The following BAZ1A variants were observed in gnomAD, a reference collection of about 807,000 sequenced individuals.
The protein encoded by BAZ1A is bromodomain adjacent to zinc finger domain protein 1A.
Under a neutral mutation model 185.2 loss-of-function variants are expected in BAZ1A, and 50 were observed. The observed-to-expected ratio is 0.27, with a 90% CI of 0.22 to 0.34. BAZ1A has a LOEUF of 0.34. Ranked by LOEUF, BAZ1A falls within the 10% of genes least tolerant of loss-of-function variation. BAZ1A has a pLI of 1.00. For synonymous variants in BAZ1A, 571 were observed against 615.6 expected, an observed-to-expected ratio of 0.93 and a Z score of 1.07; for missense variants, 1,356 against 1,839.9, an observed-to-expected ratio of 0.74 and a Z score of 4.81.
At chr14:34,861,657 A>G (rs752702512) in intron 3 of BAZ1A, among the ~76,000 whole-genome samples, 4 of 152,348 alleles carry the variant, frequency 2.6e-5, no homozygotes, top group Non-Finnish European at 5.9e-5. Context: ...CATATAATAG[A>G]ACTTTATTAT....
chr14:34,795,896 G>C (rs1881163331), intron 9 of BAZ1A, 131 bp from the exon 10 acceptor site: 2 of 626,670 alleles, frequency 3.2e-6, no homozygotes, highest in East Asian at 2.9e-5. Flanking sequence ...GTAACTCTGA[G>C]GTTAGGACTT....
intron 17 of BAZ1A, among the ~76,000 whole-genome samples, chr14:34,777,271 T>C (rs182431397): frequency 6.6e-6 from 1 of 152,384 alleles, no homozygotes; most frequent in Non-Finnish European, 1.5e-5. Flanking sequence ...AATGTAACTA[T>C]TTATGGACAG....
At chr14:34,826,478 G>T (rs2042166789) in intron 3 of BAZ1A, among the ~76,000 whole-genome samples, 1 of 152,104 alleles carries the variant, frequency 6.6e-6, no homozygotes, top group African/African-American at 2.4e-5. Flanking sequence ...GATCTTTCTT[G>T]TGTTTTAATG....
At chr14:34,759,743 T>C (rs1886444062) in intron 24 of BAZ1A, among the ~76,000 whole-genome samples, 2 of 152,092 alleles carry the variant, frequency 1.3e-5, no homozygotes, top group Admixed American at 1.3e-4. Context: ...GGCATGATCT[T>C]GGCTCACTGC....
intron 16 of BAZ1A, 57 bp downstream of exon 16, chr14:34,783,062 C>T (rs1159977266): frequency 1.5e-6 from 2 of 1,298,932 alleles, no homozygotes; most frequent in Non-Finnish European, 2.2e-6. Flanking sequence ...TTTAAGGTGT[C>T]TGGTTTTTAT....
At chr14:34,783,312 C>T in intron 15 of BAZ1A, 80 bp from the exon 16 acceptor site, 2 of 806,624 alleles carry the variant, frequency 2.5e-6, no homozygotes, top group Non-Finnish European at 2.0e-6. Flanking sequence ...TTAATCAAAT[C>T]ATGGAAAGTA....
intron 12 of BAZ1A, among the ~76,000 whole-genome samples, chr14:34,790,162 T>G (rs1446914944): frequency 6.7e-6 from 1 of 149,606 alleles, no homozygotes; most frequent in Non-Finnish European, 1.5e-5. Context: ...TTTAAATAAA[T>G]ATTTTCTTTT....
chr14:34,874,677 G>A lies in BAZ1A; in HGVS notation c.-58-15C>T. On this transcript the variant is annotated splice_polypyrimidine_tract_variant and intron_variant, in intron 1 of 26. Transcript: ENST00000360310. This position sits in a 1 kb window ranked among gnomAD's most constrained non-coding sequence, Gnocchi z 4.7. ...GCCCCGCTTCCCTATCAAAATTGGA[G>A]GGAAAGGAAAGCCGGTAAGGTGGGG... The A allele has an allele frequency of 3.0e-6, 4 of 1,351,608 alleles. No homozygotes were observed. The highest frequency in any genetic ancestry group is 1.3e-5 in the South Asian group (1 of 77,866). 83.7% of individuals were successfully genotyped at this position (1,351,608 alleles called of 1,614,324 possible).
intron 21 of BAZ1A, among the ~76,000 whole-genome samples, chr14:34,769,808 G>C (rs758395355): frequency 2.0e-5 from 3 of 152,172 alleles, no homozygotes; most frequent in Non-Finnish European, 2.9e-5. Context: ...ATATGTGGTT[G>C]TAATAAATAC....
At chr14:34,871,173 C>T (rs936453578) in intron 2 of BAZ1A, among the ~76,000 whole-genome samples, 5 of 152,188 alleles carry the variant, frequency 3.3e-5, no homozygotes, top group African/African-American at 1.2e-4. Flanking sequence ...CATTTTTTAA[C>T]AATCCACAGC....
At chr14:34,842,968 G>GAA (rs149191721) in intron 3 of BAZ1A, among the ~76,000 whole-genome samples, 10 of 146,350 alleles carry the variant, frequency 6.8e-5, no homozygotes, top group Non-Finnish European at 1.4e-4. Flanking sequence ...GAATTTACGG[G>GAA]AAAAAAAAAA....
At chr14:34,828,072 A>G (rs1051214931) in intron 3 of BAZ1A, among the ~76,000 whole-genome samples, 1 of 151,982 alleles carries the variant, frequency 6.6e-6, no homozygotes, top group African/African-American at 2.4e-5. Context: ...AGGCGGGCGG[A>G]TCACCTGAGG....
intron 2 of BAZ1A, among the ~76,000 whole-genome samples, chr14:34,872,913 T>TAAAAAAAAACAA (rs2042972099): frequency 1.3e-5 from 1 of 76,180 alleles, no homozygotes; most frequent in Admixed American, 1.8e-4. Context: ...TTTAAAATCC[T>TAAAAAAAAACAA]AAAAAAAAAA....
At chr14:34,786,603 G>GTTTT (rs542523340) in intron 12 of BAZ1A, 18,330 of 105,108 alleles carry the variant, frequency 0.17, 3,398 homozygotes, top group South Asian at 0.23. Flanking sequence ...TCTTTTATGT[G>GTTTT]TGTTTTTTTT....
intron 23 of BAZ1A, among the ~76,000 whole-genome samples, chr14:34,763,193 C>T (rs1239716693): frequency 1.3e-5 from 2 of 152,212 alleles, no homozygotes; most frequent in Non-Finnish European, 2.9e-5. Flanking sequence ...CATGTACTTG[C>T]AAGAACTTTC....
In BAZ1A at chr14:34,754,859, T is replaced by A; in HGVS notation, c.4442A>T (p.Glu1481Val). ...KKPIALNIIREKVNKCEYKLA... is the reference protein window; with the variant it reads ...KKPIALNIIRVKVNKCEYKLA... ...TTTATATTCACACTTATTCACTTTT[T>A]CACGAATTATATTTAAGGCAATGGG... The change falls in exon 26 of 27, where the codon GAA (glutamate) becomes GTA (valine). Residue 1481 changes from glutamate (E) to valine (V), a missense_variant. Physicochemically the swap from Glu to Val is moderately radical, Grantham distance 121. This residue lies in a region of BAZ1A where 61 missense variants were observed against 117.9 expected (regional missense o/e 0.52). Coordinates refer to ENST00000360310, the MANE Select transcript of BAZ1A (RefSeq NM_013448.3). The A allele has an allele frequency of 6.2e-7, 1 of 1,603,632 alleles. No homozygotes were observed. The highest frequency in any genetic ancestry group is 8.5e-7 in the Non-Finnish European group (1 of 1,174,852).
chr14:34,814,053 A>G (rs1312711502), intron 4 of BAZ1A, among the ~76,000 whole-genome samples: 1 of 151,734 alleles, frequency 6.6e-6, no homozygotes, highest in Non-Finnish European at 1.5e-5. Context: ...AAAAAAAAAA[A>G]AAAGAAAGAA....
Position 34,786,447 on chromosome 14 carries a change from G to A in BAZ1A, c.1511-226C>T, listed in dbSNP as rs1416335903. 1.6e-5 allele frequency: 7 copies of A among 430,608 alleles called. No homozygotes were observed. In the Admixed American group the frequency reaches 2.9e-4, roughly 18 times the overall value. 26.7% of individuals were successfully genotyped at this position (430,608 alleles called of 1,614,324 possible). ...GACATTTCTGTAAATTAACAGAAAA[G>A]ACAATTTCCAAATTACCAATGAGAC... On this transcript the variant is annotated intron_variant, in intron 12 of 26. Transcript: ENST00000360310.
At chr14:34,756,464 CTAT>C (rs1886253355) in intron 25 of BAZ1A, among the ~76,000 whole-genome samples, 2 of 107,208 alleles carry the variant, frequency 1.9e-5, no homozygotes. Context: ...GCCAGAATAC[CTAT>C]TTTTTTTTTT....
Sources: gnomAD v4.1 joint callset for allele counts (sites outside exome capture counted in the v4.1 genomes callset) on GRCh38, gnomAD v4.1.1 for gene constraint, gnomAD v4.1.1 regional missense constraint, Gnocchi (gnomAD v3.1) non-coding constraint, MANE v1.5 for transcripts, NCBI Gene and HGNC (gene_info 2026-07-23, HGNC 2026-07-21) for gene names.